Variants in SLC3A2 observed in about 807,000 individuals in gnomAD.
SLC3A2 encodes solute carrier family 3 member 2.
SLC3A2 carries 32 observed loss-of-function variants against 48.5 expected under a neutral mutation model. The observed-to-expected ratio is 0.66, with a 90% confidence interval of 0.50 to 0.89. SLC3A2 has a LOEUF of 0.89. Among genes scored for constraint, SLC3A2 ranks in the 40% least tolerant of loss-of-function variants. The pLI is 0.00. For missense variants in SLC3A2, 587 were observed against 680.7 expected (o/e 0.86, Z 1.53); for synonymous variants, 277 against 288.8 (o/e 0.96, Z 0.41).
rs375700534 is a variant in SLC3A2 at position 62,885,222 on chromosome 11, G to A, written c.864G>A (p.Leu288=). ...GTNSSDLQQI[L]SLLESNKDLL... ...ACTCCTCCGACCTTCAGCAGATCCTGAGCCTACTCGAATCCAACAAAGACT... is the reference window on the plus strand; with the variant it reads ...ACTCCTCCGACCTTCAGCAGATCCTAAGCCTACTCGAATCCAACAAAGACT... The change falls in exon 6 of 9, where the codon CTG becomes CTA. Residue 288 remains leucine (L), a synonymous_variant. Coordinates refer to ENST00000338663, the MANE Select transcript of SLC3A2 (RefSeq NM_001013251.3). 148 of 1,614,136 alleles carry A rather than the reference G, an allele frequency of 9.2e-5. No homozygotes were observed. Among genetic ancestry groups the A allele is most frequent in the East Asian group, 2.0e-4 (9 of 44,882 alleles).
chr11:62,856,369 G>C (rs1413562618), exon 1 of SLC3A2: 9 of 1,611,566 alleles, frequency 5.6e-6, no homozygotes, highest in African/African-American at 1.3e-5. Flanking sequence ...TCTCAGCGCG[G>C]GGGACGACTC....
At position 62,881,333 on chromosome 11, in the gene SLC3A2, G is replaced by T; in HGVS notation, c.310G>T (p.Val104Leu). Residue 104 changes from valine (V) to leucine (L), a missense_variant, in exon 1 of 9, where the codon GTG (valine) becomes TTG (leucine). By Grantham distance (32) the Val-to-Leu change is conservative. Transcript: ENST00000338663. This position sits in a 1 kb window ranked among gnomAD's most constrained non-coding sequence, Gnocchi z 4.0. The part of the protein sequence containing the change: ...GMLAGAVVII[V>L]RAPRCRELPA... ...GCTTGCTGGTGCCGTGGTCATAATC[G>T]TGCGAGCGCCGCGTTGTCGCGAGCT... 1 of 1,586,656 alleles carries T rather than the reference G, an allele frequency of 6.3e-7. No individual in the cohort carries two copies. The highest frequency in any genetic ancestry group is 8.5e-7 in the Non-Finnish European group (1 of 1,170,838).
At chr11:62,878,632 A>ATTT (rs1048433687), upstream of SLC3A2, among the ~76,000 whole-genome samples, 2 of 113,006 alleles carry the variant, frequency 1.8e-5, no homozygotes, top group African/African-American at 6.7e-5. Context: ...CGCCTGGCTG[A>ATTT]TTTTTTTTTT....
chr11:62,863,109 C>T (rs1359485621), intron 1 of SLC3A2, among the ~76,000 whole-genome samples: 3 of 151,976 alleles, frequency 2.0e-5, no homozygotes, highest in African/African-American at 7.3e-5. Flanking sequence ...TTAGTAGAGA[C>T]GGGGTTTCAC....
At chr11:62,863,496 C>A (rs1431968633) in intron 1 of SLC3A2, among the ~76,000 whole-genome samples, 1 of 152,176 alleles carries the variant, frequency 6.6e-6, no homozygotes, top group East Asian at 1.9e-4. Flanking sequence ...AGCCACTATA[C>A]CTGGCCCAAC....
chr11:62,878,616 C>T (rs923539304), upstream of SLC3A2, among the ~76,000 whole-genome samples: 2 of 151,200 alleles, frequency 1.3e-5, no homozygotes, highest in African/African-American at 4.9e-5. Flanking sequence ...CAGGCACCCG[C>T]CACCACGCCT....
intron 1 of SLC3A2, among the ~76,000 whole-genome samples, chr11:62,866,120 CTT>C (rs35988334): frequency 3.2e-4 from 46 of 142,342 alleles, no homozygotes; most frequent in South Asian, 6.7e-4. Flanking sequence ...TTTTCAGCCA[CTT>C]TTTTTTTTTT....
intron 1 of SLC3A2, among the ~76,000 whole-genome samples, chr11:62,857,223 G>A (rs991004733): frequency 6.6e-6 from 1 of 152,182 alleles, no homozygotes; most frequent in Non-Finnish European, 1.5e-5. Flanking sequence ...CCAGGTTCAA[G>A]CGATTCTCCT....
exon 1 of SLC3A2, chr11:62,856,212 C>G (rs1372291609): frequency 7.1e-7 from 1 of 1,406,302 alleles, no homozygotes; most frequent in African/African-American, 1.4e-5. Context: ...ACCCTCTAAC[C>G]CTGTTCTGAG....
rs1467068568 is a variant in SLC3A2, at chr11:62,866,143, GT to G, written c.112+9766del. Among the ~76,000 whole-genome samples the G allele has an allele frequency of 5.6e-4, 84 of 149,772 alleles. 1 individual carries two copies. Among genetic ancestry groups the G allele is most frequent in the African/African-American group, 1.9e-3 (77 of 40,614 alleles). On this transcript the variant is annotated intron_variant, in intron 1 of 9. Coordinates refer to the SLC3A2 transcript ENST00000377889. ...CACTTTTTTTTTTTTTTTGGATGGA[GT>G]TTTGCTCTTGTCGCCCAGGCTGGAG...
intron 6 of SLC3A2, 43 bp from the exon 7 acceptor site, chr11:62,885,422 C>T: frequency 6.2e-7 from 1 of 1,613,856 alleles, no homozygotes; most frequent in Non-Finnish European, 8.5e-7. Flanking sequence ...GAGACAGAGG[C>T]AGAGGTGGGT....
chr11:62,883,823 A>G, intron 3 of SLC3A2: 6 of 358,588 alleles, frequency 1.7e-5, no homozygotes, highest in South Asian at 1.2e-4. Context: ...AAGGGAAGAA[A>G]AGGAGAATGG....
chr11:62,869,226 A>T (rs1055656379), intron 1 of SLC3A2, among the ~76,000 whole-genome samples: 3 of 151,924 alleles, frequency 2.0e-5, no homozygotes, highest in Middle Eastern at 3.4e-3. Context: ...TTATGTGATT[A>T]GAATAGAATT....
At chr11:62,871,125 G>T (rs987335838) in intron 1 of SLC3A2, among the ~76,000 whole-genome samples, 1 of 151,254 alleles carries the variant, frequency 6.6e-6, no homozygotes, top group African/African-American at 2.4e-5. Flanking sequence ...CTTGTGATCC[G>T]CCTGCCTTGG....
chr11:62,863,189 G>A (rs772964170), intron 1 of SLC3A2, among the ~76,000 whole-genome samples: 1 of 152,156 alleles, frequency 6.6e-6, no homozygotes, highest in African/African-American at 2.4e-5. Flanking sequence ...CTAAAGTGCT[G>A]GGATTACAGG....
chr11:62,856,316 C>T (rs376192057), exon 1 of SLC3A2: 232 of 1,613,510 alleles, frequency 1.4e-4, no homozygotes, highest in Non-Finnish European at 1.8e-4. Context: ...GTGTCGATTC[C>T]GCGCCAGTTG....
At chr11:62,858,979 G>T (rs1358141896) in intron 1 of SLC3A2, among the ~76,000 whole-genome samples, 1 of 152,024 alleles carries the variant, frequency 6.6e-6, no homozygotes, top group East Asian at 1.9e-4. Flanking sequence ...GCCCAGGGAC[G>T]GGCAGGAGAC....
intron 1 of SLC3A2, among the ~76,000 whole-genome samples, chr11:62,862,274 C>T (rs542628909): frequency 3.8e-5 from 5 of 129,972 alleles, no homozygotes; most frequent in South Asian, 2.5e-4. Context: ...CTCATCGCAA[C>T]GATGAGCTGA....
chr11:62,881,012 T>C lies in SLC3A2; in HGVS notation c.-12T>C, dbSNP rs2085626696. ...CCGCAAGCTGCGTCGTGTCGCCGGTTCTGCAGGCACCATGAGCCAGGACAC... is the reference window on the plus strand; with the variant it reads ...CCGCAAGCTGCGTCGTGTCGCCGGTCCTGCAGGCACCATGAGCCAGGACAC... On this transcript the variant is annotated 5_prime_UTR_variant, in exon 1 of 9. Coordinates refer to ENST00000338663, the MANE Select transcript of SLC3A2 (RefSeq NM_001013251.3). The surrounding 1 kb of genome is among the most constrained non-coding windows in gnomAD (Gnocchi z 4.0). 1 of 1,555,498 alleles carries C rather than the reference T, an allele frequency of 6.4e-7. No homozygotes were observed. The highest frequency in any genetic ancestry group is 1.4e-5 in the African/African-American group (1 of 73,702).
Sources: gnomAD v4.1 joint callset for allele counts (sites outside exome capture counted in the v4.1 genomes callset) on GRCh38, gnomAD v4.1.1 for gene constraint, Gnocchi (gnomAD v3.1) non-coding constraint, MANE v1.5 for transcripts, NCBI Gene and HGNC (gene_info 2026-07-23, HGNC 2026-07-21) for gene names.